The following PCDHGA1 variants were observed in gnomAD, a reference collection of about 807,000 sequenced individuals.
The protein encoded by PCDHGA1 is protocadherin gamma subfamily A, 1, also known as protocadherin gamma-A1.
A neutral mutation model predicts 58.0 loss-of-function variants in PCDHGA1; 32 were observed. That is an observed-to-expected ratio of 0.55 (90% CI 0.42 to 0.74). The LOEUF is 0.74. Ranked by LOEUF, PCDHGA1 falls within the 30% of genes least tolerant of loss-of-function variation. The pLI is 0.00. For synonymous variants in PCDHGA1, 498 were observed against 501.1 expected, an observed-to-expected ratio of 0.99 and a Z score of 0.08; for missense variants, 1,205 against 1,182.3, an observed-to-expected ratio of 1.02 and a Z score of -0.28.
At position 141,489,068 on chromosome 5, in the gene PCDHGA1, G is replaced by GGCCCC; in HGVS notation, c.2422-5739_2422-5738insGCCCC. On this transcript the variant is annotated intron_variant, in intron 1 of 3. Coordinates refer to ENST00000517417, the MANE Select transcript of PCDHGA1 (RefSeq NM_018912.3). This position sits in a 1 kb window ranked among gnomAD's most constrained non-coding sequence, Gnocchi z 4.5. ...CTCAAATTCAGCTCCCCTCCCCCCT[G>GGCCCC]CCCACCCCCGCCACTCGGTGACTAA... 3.4e-6 allele frequency: 1 copy of GGCCCC among 291,558 alleles called. No individual in the cohort carries two copies. 18.1% of individuals were successfully genotyped at this position (291,558 alleles called of 1,614,324 possible). A position where few individuals can be genotyped will look rare whatever the true frequency, so the allele number is the denominator to read the frequency against.
intron 1 of PCDHGA1, chr5:141,388,297 T>C (rs2091308790): frequency 1.9e-6 from 3 of 1,613,660 alleles, no homozygotes; most frequent in African/African-American, 2.7e-5. Flanking sequence ...CAAAATTCCT[T>C]TGAGCTGCAA....
intron 1 of PCDHGA1, chr5:141,374,015 G>T: frequency 1.5e-6 from 2 of 1,375,596 alleles, no homozygotes; most frequent in Non-Finnish European, 1.9e-6. Context: ...CTATTTCTGA[G>T]AAGAGCAAAA....
At chr5:141,350,621 C>A in intron 1 of PCDHGA1, 1 of 1,613,982 alleles carries the variant, frequency 6.2e-7, no homozygotes, top group Non-Finnish European at 8.5e-7. Flanking sequence ...TGTTGTAATC[C>A]AAGATATTAA....
intron 1 of PCDHGA1, chr5:141,404,885 G>C: frequency 1.2e-6 from 2 of 1,613,906 alleles, no homozygotes; most frequent in Non-Finnish European, 1.7e-6. Context: ...CCTTGTGGTG[G>C]CTGTACAGGA....
chr5:141,458,168 A>G (rs1287422935), intron 1 of PCDHGA1, among the ~76,000 whole-genome samples: 1 of 152,254 alleles, frequency 6.6e-6, no homozygotes. Context: ...TGTTCACAGT[A>G]GTATACCTTA....
chr5:141,344,657 C>A, intron 1 of PCDHGA1: 1 of 1,613,996 alleles, frequency 6.2e-7, no homozygotes, highest in Non-Finnish European at 8.5e-7. Flanking sequence ...AAGAAATTCA[C>A]CAGCTTGTCC....
In PCDHGA1 at chr5:141,485,867, G is replaced by T; in HGVS notation, c.2422-8940G>T. The T allele has an allele frequency of 6.2e-7, 1 of 1,614,164 alleles. No homozygotes were observed. Among genetic ancestry groups the T allele is most frequent in the Non-Finnish European group, 8.5e-7 (1 of 1,180,040 alleles). On this transcript the variant is annotated intron_variant, in intron 1 of 3. Transcript: ENST00000517417. The surrounding 1 kb of genome is among the most constrained non-coding windows in gnomAD (Gnocchi z 5.7). ...TGGCACCGCAGAGCTCCGGGTATCC[G>T]TGCTGGACGTAAACGACAACGCCCC...
intron 1 of PCDHGA1, chr5:141,389,423 C>A (rs779826135): frequency 1.9e-6 from 3 of 1,613,398 alleles, no homozygotes; most frequent in Non-Finnish European, 8.5e-7. Context: ...GGGTGGTGTT[C>A]GCGCAGCGCG....
chr5:141,475,013 G>T (rs950376592), intron 1 of PCDHGA1, among the ~76,000 whole-genome samples: 1 of 152,176 alleles, frequency 6.6e-6, no homozygotes, highest in African/African-American at 2.4e-5. Context: ...AAAAGTTAAG[G>T]CTCTTTATTC....
Position 141,489,084 on chromosome 5 carries a change from C to T in PCDHGA1, c.2422-5723C>T, listed in dbSNP as rs1232276875. On this transcript the variant is annotated intron_variant, in intron 1 of 3. Transcript: ENST00000517417. This position sits in a 1 kb window ranked among gnomAD's most constrained non-coding sequence, Gnocchi z 4.5. ...CTCCCCCCTGCCCACCCCCGCCACTCGGTGACTAAGAACTGCTGCAAGCAG... is the reference window on the plus strand; with the variant it reads ...CTCCCCCCTGCCCACCCCCGCCACTTGGTGACTAAGAACTGCTGCAAGCAG... The T allele has an allele frequency of 1.5e-5, 5 of 329,072 alleles. No homozygotes were observed. Among genetic ancestry groups the T allele is most frequent in the South Asian group, 1.3e-4 (2 of 15,846 alleles). The allele number at this position is 329,072 out of a possible 1,614,324, so 20.4% of individuals were successfully genotyped here. A position where few individuals can be genotyped will look rare whatever the true frequency, so the allele number is the denominator to read the frequency against.
At chr5:141,374,758 C>A (rs1316048031) in intron 1 of PCDHGA1, 3 of 1,613,200 alleles carry the variant, frequency 1.9e-6, no homozygotes, top group Non-Finnish European at 2.5e-6. Context: ...GCTCAAGCGT[C>A]GCCCAAATTC....
chr5:141,404,271 T>A, intron 1 of PCDHGA1: 1 of 1,614,000 alleles, frequency 6.2e-7, no homozygotes, highest in Non-Finnish European at 8.5e-7. Flanking sequence ...CACATCACCC[T>A]GCAAGTGACT....
chr5:141,502,601 A>G (rs2099815205), intron 2 of PCDHGA1, among the ~76,000 whole-genome samples: 1 of 152,218 alleles, frequency 6.6e-6, no homozygotes, highest in Non-Finnish European at 1.5e-5. Flanking sequence ...ATATTTTAAA[A>G]TATTTGTGAA....
chr5:141,467,063 T>C (rs1405374001), intron 1 of PCDHGA1, among the ~76,000 whole-genome samples: 2 of 151,716 alleles, frequency 1.3e-5, no homozygotes, highest in African/African-American at 2.4e-5. Flanking sequence ...TTCTTTTTTT[T>C]TTTTTTTTAG....
At position 141,357,475 on chromosome 5, in the gene PCDHGA1, C is replaced by G. The variant is rs778953357; in HGVS notation, c.2421+24370C>G. On this transcript the variant is annotated intron_variant, in intron 1 of 3. Transcript: ENST00000517417. Reference sequence around the variant, plus strand: ...GCAGACCTATTCCCACGAGGTCTCCCTCACCGCGGACTCGCGGAAGAGTCA... The same window carrying G: ...GCAGACCTATTCCCACGAGGTCTCCGTCACCGCGGACTCGCGGAAGAGTCA... 4.0e-5 allele frequency: 65 copies of G among 1,614,118 alleles called. No individual in the cohort carries two copies. Among genetic ancestry groups the G allele is most frequent in the Non-Finnish European group, 5.3e-5 (63 of 1,180,052 alleles).
rs1173306822 is a variant in PCDHGA1 at position 141,431,115 on chromosome 5, T to C, written c.2422-63692T>C. The C allele has an allele frequency of 9.3e-6, 15 of 1,613,492 alleles. No individual in the cohort carries two copies. The highest frequency in any genetic ancestry group is 1.3e-5 in the Non-Finnish European group (15 of 1,179,878). On this transcript the variant is annotated intron_variant, in intron 1 of 3. Coordinates refer to ENST00000517417, the MANE Select transcript of PCDHGA1 (RefSeq NM_018912.3). The surrounding 1 kb of genome is among the most constrained non-coding windows in gnomAD (Gnocchi z 4.8). The stretch of plus-strand genomic sequence containing the variant: ...GAGGATAAAGTGAAAATATATGGAG[T>C]AGAAGTAGAAGTAAGGGACATTAAC...
At chr5:141,501,326 CACACACA>C (rs1562200783) in intron 2 of PCDHGA1, among the ~76,000 whole-genome samples, 10 of 151,784 alleles carry the variant, frequency 6.6e-5, no homozygotes, top group African/African-American at 1.9e-4. Flanking sequence ...CACACACACA[CACACACA>C]CCCCAAACTC....
intron 1 of PCDHGA1, among the ~76,000 whole-genome samples, chr5:141,353,709 T>C (rs1759362592): frequency 6.6e-6 from 1 of 152,266 alleles, no homozygotes; most frequent in Non-Finnish European, 1.5e-5. Context: ...TTCTTGTTTC[T>C]TTAGTGTAGA....
At chr5:141,373,797 C>G (rs1369464661) in intron 1 of PCDHGA1, 1 of 311,662 alleles carries the variant, frequency 3.2e-6, no homozygotes, top group Non-Finnish European at 5.8e-6. Context: ...AAATAAAATC[C>G]TCTGTGTGAT....
Sources: gnomAD v4.1 joint callset for allele counts (sites outside exome capture counted in the v4.1 genomes callset) on GRCh38, gnomAD v4.1.1 for gene constraint, Gnocchi (gnomAD v3.1) non-coding constraint, MANE v1.5 for transcripts, NCBI Gene and HGNC (gene_info 2026-07-23, HGNC 2026-07-21) for gene names.